The following ADAMTSL3 variants were observed in gnomAD, a reference collection of about 807,000 sequenced individuals.
ADAMTSL3 encodes the protein ADAMTS-like protein 3.
A neutral mutation model predicts 201.7 loss-of-function variants in ADAMTSL3; 128 were observed. The ratio of observed to expected loss-of-function variants is 0.63; its 90% CI spans 0.55 to 0.73. ADAMTSL3 has a LOEUF of 0.73. Ranked by LOEUF, ADAMTSL3 falls within the 30% of genes least tolerant of loss-of-function variation. ADAMTSL3 has a pLI of 0.00. For missense variants in ADAMTSL3, 1,990 were observed against 2,119.6 expected, an observed-to-expected ratio of 0.94 and a Z score of 1.20; for synonymous variants, 738 against 748.4, an observed-to-expected ratio of 0.99 and a Z score of 0.23.
intron 1 of ADAMTSL3, among the ~76,000 whole-genome samples, chr15:83,655,425 C>T (rs1249530104): frequency 6.6e-6 from 1 of 152,174 alleles, no homozygotes; most frequent in Non-Finnish European, 1.5e-5. Flanking sequence ...AGTCAAATGC[C>T]AATAGCGACA....
chr15:83,886,086 C>T (rs375925613), intron 10 of ADAMTSL3, among the ~76,000 whole-genome samples: 1 of 152,188 alleles, frequency 6.6e-6, no homozygotes, highest in Non-Finnish European at 1.5e-5. Flanking sequence ...CAGGGCTCCA[C>T]ACACACGCTA....
At position 84,025,235 on chromosome 15, in the gene ADAMTSL3, T is replaced by C. The variant is rs2068280912; in HGVS notation, c.4458-3T>C. On this transcript the variant is annotated splice_region_variant and splice_polypyrimidine_tract_variant and intron_variant, in intron 26 of 29. Transcript: ENST00000286744. ...ACTAAAGTCCTGTAGTTTTTGTTCC[T>C]AGGTGGTTCACAAGTGTGTGGTCAC... 1 of 1,593,122 alleles carries C rather than the reference T, an allele frequency of 6.3e-7. No homozygotes were observed. Among genetic ancestry groups the C allele is most frequent in the Non-Finnish European group, 8.5e-7 (1 of 1,171,060 alleles).
intron 2 of ADAMTSL3, among the ~76,000 whole-genome samples, chr15:83,680,707 C>T (rs1320040505): frequency 3.3e-5 from 5 of 151,862 alleles, no homozygotes; most frequent in Middle Eastern, 3.2e-3. Flanking sequence ...TGCTACTTAA[C>T]TGACTTAATT....
chr15:83,954,092 C>T (rs1231188719), intron 19 of ADAMTSL3, among the ~76,000 whole-genome samples: 1 of 152,130 alleles, frequency 6.6e-6, no homozygotes, highest in Non-Finnish European at 1.5e-5. Flanking sequence ...TTGGGAAGTT[C>T]TCTGATATCC....
At chr15:83,918,157 G>A (rs184624761) in intron 16 of ADAMTSL3, among the ~76,000 whole-genome samples, 25 of 151,438 alleles carry the variant, frequency 1.7e-4, no homozygotes, top group Non-Finnish European at 3.0e-4. Flanking sequence ...TTATTGGCTT[G>A]TCTAGAATTC....
intron 3 of ADAMTSL3, among the ~76,000 whole-genome samples, chr15:83,726,554 T>A (rs2062178136): frequency 6.6e-6 from 1 of 152,164 alleles, no homozygotes; most frequent in African/African-American, 2.4e-5. Context: ...TTTCATTATG[T>A]TGATGTATGT....
chr15:83,931,148 G>A (rs769165195), intron 17 of ADAMTSL3, among the ~76,000 whole-genome samples: 1 of 152,170 alleles, frequency 6.6e-6, no homozygotes, highest in Non-Finnish European at 1.5e-5. Flanking sequence ...AAGCATGCTG[G>A]GTTACATAAT....
chr15:83,834,024 G>A (rs1286240903), intron 6 of ADAMTSL3, among the ~76,000 whole-genome samples: 61 of 152,118 alleles, frequency 4.0e-4, no homozygotes, highest in Non-Finnish European at 4.4e-5. Context: ...TATAGTATAG[G>A]CTGGGTTTTC....
chr15:83,752,208 CCTT>C (rs1402048387), intron 3 of ADAMTSL3, among the ~76,000 whole-genome samples: 1 of 152,046 alleles, frequency 6.6e-6, no homozygotes, highest in Non-Finnish European at 1.5e-5. Flanking sequence ...GGTTTATATT[CCTT>C]CTTCTGTTAT....
intron 2 of ADAMTSL3, among the ~76,000 whole-genome samples, chr15:83,695,114 GGTGT>G (rs1443939940): frequency 2.8e-5 from 4 of 141,978 alleles, no homozygotes; most frequent in South Asian, 2.3e-4. Context: ...GTGCATGTGT[GGTGT>G]GTGTGTGTGG....
chr15:83,924,209 G>A (rs2066206735), intron 17 of ADAMTSL3, among the ~76,000 whole-genome samples, 176 bp downstream of exon 17: 2 of 152,230 alleles, frequency 1.3e-5, no homozygotes, highest in South Asian at 4.1e-4. Flanking sequence ...TAGGTGCTCA[G>A]ATGCAGCCAT....
intron 4 of ADAMTSL3, among the ~76,000 whole-genome samples, chr15:83,791,021 C>T (rs1338179287): frequency 6.6e-6 from 1 of 152,092 alleles, no homozygotes; most frequent in Non-Finnish European, 1.5e-5. Flanking sequence ...CCTAGGAATA[C>T]ATTTAGCCAA....
intron 19 of ADAMTSL3, among the ~76,000 whole-genome samples, chr15:83,961,954 A>G (rs572150727): frequency 1.3e-5 from 2 of 152,330 alleles, no homozygotes; most frequent in South Asian, 4.1e-4. Context: ...GGTAGATGAT[A>G]TAGTTTGGCT....
chr15:83,839,588 A>C (rs1266436881), intron 7 of ADAMTSL3, among the ~76,000 whole-genome samples: 2 of 152,192 alleles, frequency 1.3e-5, no homozygotes, highest in Non-Finnish European at 2.9e-5. Flanking sequence ...CAGGTAGTCC[A>C]AATAGGAAGT....
At chr15:83,695,119 G>GATTGTGTATGTGCA (rs1284696339) in intron 2 of ADAMTSL3, among the ~76,000 whole-genome samples, 4 of 142,620 alleles carry the variant, frequency 2.8e-5, no homozygotes, top group Admixed American at 7.0e-5. Context: ...TGTGTGGTGT[G>GATTGTGTATGTGCA]TGTGTGTGGG....
intron 7 of ADAMTSL3, among the ~76,000 whole-genome samples, chr15:83,851,492 C>T (rs1250717253): frequency 5.9e-5 from 9 of 152,314 alleles, no homozygotes; most frequent in South Asian, 4.1e-4. Flanking sequence ...ATACCACAGC[C>T]TACATTCACA....
chr15:83,737,657 A>G (rs1444319432), intron 3 of ADAMTSL3, among the ~76,000 whole-genome samples: 1 of 152,218 alleles, frequency 6.6e-6, no homozygotes, highest in Non-Finnish European at 1.5e-5. Flanking sequence ...ATGGACTAAT[A>G]CAATAACCAA....
At chr15:83,904,830 A>G (rs1337390932) in intron 15 of ADAMTSL3, among the ~76,000 whole-genome samples, 2 of 152,212 alleles carry the variant, frequency 1.3e-5, no homozygotes, top group African/African-American at 4.8e-5. Flanking sequence ...TAGTTAGCAC[A>G]CCTTGTATGT....
intron 3 of ADAMTSL3, among the ~76,000 whole-genome samples, chr15:83,715,526 C>G (rs60114944): frequency 0.049 from 7,425 of 152,262 alleles, 381 homozygotes; most frequent in East Asian, 0.28. Context: ...GCACCCAGCA[C>G]TGCACATTTC....
Sources: allele counts gnomAD v4.1 joint callset (sites outside exome capture counted in the v4.1 genomes callset), GRCh38; gene constraint gnomAD v4.1.1; transcripts MANE v1.5; gene names NCBI Gene and HGNC (gene_info 2026-07-23, HGNC 2026-07-21).